Variants in RAMP1 observed in about 807,000 individuals in gnomAD.
RAMP1 encodes the protein receptor activity modifying protein 1.
A neutral mutation model predicts 8.2 loss-of-function variants in RAMP1; 7 were observed. That is an observed-to-expected ratio of 0.85 (90% CI 0.49 to 1.60). The LOEUF is 1.60. RAMP1 is among the 40% of genes most tolerant of loss of function. RAMP1 has a pLI of 0.00. For synonymous variants in RAMP1, 92 were observed against 84.7 expected, an observed-to-expected ratio of 1.09 and a Z score of -0.47; for missense variants, 192 against 202.4, an observed-to-expected ratio of 0.95 and a Z score of 0.31.
chr2:237,875,343 G>A lies in RAMP1; in HGVS notation c.53-1881G>A, dbSNP rs2062291747. On this transcript the variant is annotated intron_variant, in intron 1 of 2. Transcript: ENST00000254661. Reference sequence around the variant, plus strand: ...GACACACCTGTGCTGTCGGGAAGCAGCATGGACTCAGGTGGGTACAGAGCC... The same window carrying A: ...GACACACCTGTGCTGTCGGGAAGCAACATGGACTCAGGTGGGTACAGAGCC... 1.3e-5 allele frequency among the ~76,000 whole-genome samples: 2 copies of A among 152,180 alleles called. 1 individual carries two copies. The highest frequency in any genetic ancestry group is 4.1e-4 in the South Asian group (2 of 4,832).
intron 1 of RAMP1, chr2:237,860,062 T>G (rs1576528035): frequency 1.0e-5 from 2 of 199,918 alleles, no homozygotes; most frequent in African/African-American, 2.3e-5. Flanking sequence ...GGACGCGGGG[T>G]TCCCCAGCCC....
At chr2:237,908,927 G>A (rs1262594725) in intron 2 of RAMP1, among the ~76,000 whole-genome samples, 3 of 152,172 alleles carry the variant, frequency 2.0e-5, no homozygotes, top group Non-Finnish European at 4.4e-5. Flanking sequence ...GAAGAGTCTG[G>A]GATGGTGGAA....
At chr2:237,894,230 C>T (rs1330075796) in intron 2 of RAMP1, among the ~76,000 whole-genome samples, 1 of 152,092 alleles carries the variant, frequency 6.6e-6, no homozygotes, top group Non-Finnish European at 1.5e-5. Context: ...CTTGGCCCTC[C>T]AAAGTCTTGG....
At chr2:237,897,810 G>T (rs1372265664) in intron 2 of RAMP1, among the ~76,000 whole-genome samples, 1 of 149,560 alleles carries the variant, frequency 6.7e-6, no homozygotes, top group Non-Finnish European at 1.5e-5. Context: ...TTGTTTGTTT[G>T]TTTTTTGAGA....
At chr2:237,898,395 G>T (rs2062563704) in intron 2 of RAMP1, among the ~76,000 whole-genome samples, 1 of 152,012 alleles carries the variant, frequency 6.6e-6, no homozygotes, top group African/African-American at 2.4e-5. Flanking sequence ...TGTACTCTCT[G>T]ACCAGCCTGA....
At chr2:237,860,147 C>G (rs3769052) in intron 1 of RAMP1, 3,984 of 160,012 alleles carry the variant, frequency 0.025, 239 homozygotes, top group East Asian at 0.23. Context: ...TCCCGCGTTG[C>G]AAAACCTGCA....
At position 237,877,961 on chromosome 2, in the gene RAMP1, C is replaced by T. The variant is rs2062326746; in HGVS notation, c.191+599C>T. ...CCTCAGCCTCCTGGGTGCTGGGCCC[C>T]CATCAGCAGGCCGGGGGGTTCTCCC... On this transcript the variant is annotated intron_variant, in intron 2 of 2. Transcript: ENST00000254661. This position sits in a 1 kb window ranked among gnomAD's most constrained non-coding sequence, Gnocchi z 4.4. The T allele has an allele frequency of 1.0e-6, 1 of 985,342 alleles. No homozygotes were observed. The allele number at this position is 985,342 out of a possible 1,614,324, so 61.0% of individuals were successfully genotyped here.
At chr2:237,906,749 G>A (rs1238257504) in intron 2 of RAMP1, among the ~76,000 whole-genome samples, 1 of 106,766 alleles carries the variant, frequency 9.4e-6, no homozygotes, top group East Asian at 3.0e-4. Context: ...TTTAAAGACA[G>A]TCTTGCTCTG....
rs2062174899 is a variant in RAMP1 at position 237,865,244 on chromosome 2, A to G, written c.52+5517A>G. Reference sequence around the variant, plus strand: ...TGGCAGAGCTCCTGGGGGAGTAGGGAGGGCAGGGCAGGGGAGAAGAGAGGA... The same window carrying G: ...TGGCAGAGCTCCTGGGGGAGTAGGGGGGGCAGGGCAGGGGAGAAGAGAGGA... On this transcript the variant is annotated intron_variant, in intron 1 of 2. Coordinates refer to ENST00000254661, the MANE Select transcript of RAMP1 (RefSeq NM_005855.4). This position sits in a 1 kb window ranked among gnomAD's most constrained non-coding sequence, Gnocchi z 4.2. Among the ~76,000 whole-genome samples, 1 of 135,102 alleles carries G rather than the reference A, an allele frequency of 7.4e-6. No individual in the cohort carries two copies. The highest frequency in any genetic ancestry group is 7.5e-5 in the Admixed American group (1 of 13,296). The allele number at this position is 135,102 out of a possible 152,430, so 88.6% of individuals were successfully genotyped here.
At chr2:237,875,299 C>G (rs576483670) in intron 1 of RAMP1, among the ~76,000 whole-genome samples, 7 of 152,274 alleles carry the variant, frequency 4.6e-5, no homozygotes, top group African/African-American at 1.2e-4. Flanking sequence ...ACTCACAGTG[C>G]TGGTATGGAC....
intron 2 of RAMP1, among the ~76,000 whole-genome samples, chr2:237,906,195 A>G (rs1007693395): frequency 6.6e-6 from 1 of 151,834 alleles, no homozygotes; most frequent in African/African-American, 2.4e-5. Context: ...GGCTTTTTCC[A>G]CTTCTGTTTT....
intron 2 of RAMP1, among the ~76,000 whole-genome samples, chr2:237,907,114 A>C (rs1275974182): frequency 6.6e-6 from 1 of 152,186 alleles, no homozygotes; most frequent in Non-Finnish European, 1.5e-5. Flanking sequence ...AATACTTTCA[A>C]GATGTTGCCC....
chr2:237,876,308 A>C (rs2062302630), intron 1 of RAMP1, among the ~76,000 whole-genome samples: 1 of 152,176 alleles, frequency 6.6e-6, no homozygotes, highest in African/African-American at 2.4e-5. Flanking sequence ...GTCCTCACTC[A>C]TGAGGCCCAG....
At chr2:237,908,698 A>G (rs1459142746) in intron 2 of RAMP1, among the ~76,000 whole-genome samples, 1 of 152,048 alleles carries the variant, frequency 6.6e-6, no homozygotes, top group African/African-American at 2.4e-5. Flanking sequence ...AGCCTCCCAA[A>G]GTGCTGGGAT....
Position 237,865,841 on chromosome 2 carries a change from T to C in RAMP1, c.52+6114T>C, listed in dbSNP as rs1308726701. On this transcript the variant is annotated intron_variant, in intron 1 of 2. Transcript: ENST00000254661. The surrounding 1 kb of genome is among the most constrained non-coding windows in gnomAD (Gnocchi z 4.2). ...CCAGGCACCACTGGGCACCTTGACA[T>C]GATTGGTGGTGGAGGGAGGCAGATG... is the stretch of plus-strand genomic sequence containing the variant. Among the ~76,000 whole-genome samples, 2 of 151,896 alleles carry C rather than the reference T, an allele frequency of 1.3e-5. No homozygotes were observed. The highest frequency in any genetic ancestry group is 2.9e-5 in the Non-Finnish European group (2 of 67,962).
rs747032689 is a variant in RAMP1, at chr2:237,878,444, G to A, written c.191+1082G>A. ...GGGTTGAAGACCCCTAGTTGGACTC[G>A]TCACCCCTCCCCTGTGGGTTGCAGG... On this transcript the variant is annotated intron_variant, in intron 2 of 2. Coordinates refer to ENST00000254661, the MANE Select transcript of RAMP1 (RefSeq NM_005855.4). The surrounding 1 kb of genome is among the most constrained non-coding windows in gnomAD (Gnocchi z 5.7). Among the ~76,000 whole-genome samples, 1 of 152,230 alleles carries A rather than the reference G, an allele frequency of 6.6e-6. No individual in the cohort carries two copies. Among genetic ancestry groups the A allele is most frequent in the East Asian group, 1.9e-4 (1 of 5,200 alleles).
chr2:237,885,808 C>A (rs1040052979), intron 2 of RAMP1, among the ~76,000 whole-genome samples: 2 of 152,232 alleles, frequency 1.3e-5, no homozygotes, highest in Non-Finnish European at 2.9e-5. Flanking sequence ...CCCTCTGCCC[C>A]CCCTGGGTGG....
chr2:237,883,721 C>T (rs527307220), intron 2 of RAMP1, among the ~76,000 whole-genome samples: 28 of 149,776 alleles, frequency 1.9e-4, no homozygotes, highest in Non-Finnish European at 3.8e-4. Flanking sequence ...GAGGCTGAGG[C>T]GGGAGGATCA....
At chr2:237,882,444 G>A (rs994681082) in intron 2 of RAMP1, among the ~76,000 whole-genome samples, 15 of 152,226 alleles carry the variant, frequency 9.9e-5, no homozygotes, top group South Asian at 2.1e-4. Flanking sequence ...GCAGCCTGGC[G>A]GAGGTGGGGC....
Sources: gnomAD v4.1 joint callset for allele counts (sites outside exome capture counted in the v4.1 genomes callset) on GRCh38, gnomAD v4.1.1 for gene constraint, Gnocchi (gnomAD v3.1) non-coding constraint, MANE v1.5 for transcripts, NCBI Gene and HGNC (gene_info 2026-07-23, HGNC 2026-07-21) for gene names.